Variants in RTL9 observed in about 807,000 individuals in gnomAD.
RTL9 encodes retrotransposon Gag-like protein 9.
A neutral mutation model predicts 44.7 loss-of-function variants in RTL9; 19 were observed. That is an observed-to-expected ratio of 0.42 (90% CI 0.30 to 0.62). The LOEUF is 0.62. Among genes scored for constraint, RTL9 ranks in the 20% least tolerant of loss-of-function variants. The pLI, the probability that RTL9 is intolerant of heterozygous loss-of-function variation, is 0.16. For missense variants in RTL9, 1,105 were observed against 1,080.6 expected (o/e 1.02, Z -0.32); for synonymous variants, 407 against 398.9 (o/e 1.02, Z -0.24).
At chrX:110,427,835 A>G (rs1257485002) in intron 1 of RTL9, among the ~76,000 whole-genome samples, 1 of 111,887 alleles carries the variant, frequency 8.9e-6, no homozygotes, top group Non-Finnish European at 1.9e-5. Flanking sequence ...AGAGCCACAC[A>G]TGGTCTCTTA....
At chrX:110,398,437 C>A (rs1164922015) in intron 1 of RTL9, among the ~76,000 whole-genome samples, 2 of 112,470 alleles carry the variant, frequency 1.8e-5, no homozygotes, top group Non-Finnish European at 3.8e-5. Context: ...ATTTTTAAAT[C>A]TTAGAATACT....
intron 1 of RTL9, among the ~76,000 whole-genome samples, chrX:110,399,120 T>C (rs1448417225): frequency 2.7e-5 from 3 of 112,214 alleles, no homozygotes; most frequent in African/African-American, 6.5e-5. Context: ...TGGTTTACAA[T>C]GGACTCACAA....
intron 1 of RTL9, among the ~76,000 whole-genome samples, chrX:110,397,385 G>A (rs1451427831): frequency 9.0e-6 from 1 of 110,749 alleles, no homozygotes; most frequent in Middle Eastern, 4.6e-3. Flanking sequence ...AAATCACTGA[G>A]TATTTATTTA....
chrX:110,445,361 A>G (rs1364532278), intron 2 of RTL9, 93 bp downstream of exon 2: 2 of 112,729 alleles, frequency 1.8e-5, no homozygotes, highest in Non-Finnish European at 3.8e-5. Flanking sequence ...TTTATCGTTC[A>G]ATAAATAAGA....
intron 1 of RTL9, among the ~76,000 whole-genome samples, chrX:110,413,364 A>G (rs908331817): frequency 6.3e-5 from 7 of 111,188 alleles, no homozygotes; most frequent in African/African-American, 2.3e-4. Context: ...CAGGCACCCT[A>G]GGGCTGGGAG....
intron 1 of RTL9, among the ~76,000 whole-genome samples, chrX:110,407,011 T>C (rs964118122): frequency 3.6e-5 from 4 of 111,771 alleles, no homozygotes; most frequent in Non-Finnish European, 7.5e-5. Flanking sequence ...GGCACCTGGA[T>C]GATTGATTGT....
chrX:110,453,371 A>G, exon 1 of RTL9: 1 of 1,211,876 alleles, frequency 8.3e-7, no homozygotes, highest in Non-Finnish European at 1.1e-6. Context: ...GGAGACCCTC[A>G]GCCTGTGAGA....
exon 1 of RTL9, chrX:110,454,139 G>A: frequency 8.2e-7 from 1 of 1,212,145 alleles, no homozygotes; most frequent in South Asian, 1.8e-5. Context: ...ATGAGGAGAA[G>A]CAAATGAAGG....
intron 1 of RTL9, among the ~76,000 whole-genome samples, chrX:110,382,713 A>G (rs1295980681): frequency 9.0e-6 from 1 of 111,230 alleles, no homozygotes; most frequent in African/African-American, 3.3e-5. Flanking sequence ...TCTGCATTCA[A>G]TTTGTCACTC....
chrX:110,438,572 C>A (rs1184589202), intron 1 of RTL9, among the ~76,000 whole-genome samples: 1 of 111,587 alleles, frequency 9.0e-6, no homozygotes, highest in African/African-American at 3.3e-5. Context: ...AAGGACCAAG[C>A]AAACAGGCGG....
At chrX:110,411,864 T>C (rs992533545) in intron 1 of RTL9, among the ~76,000 whole-genome samples, 3 of 112,659 alleles carry the variant, frequency 2.7e-5, no homozygotes, top group Non-Finnish European at 5.6e-5. Context: ...AGGTTTTGCT[T>C]ACTCACTATT....
At chrX:110,455,386 C>T in exon 2 of RTL9, 1 of 1,157,345 alleles carries the variant, frequency 8.6e-7, no homozygotes, top group Admixed American at 2.3e-5. Context: ...GGTTCCTGGA[C>T]CCATTCCATT....
intron 1 of RTL9, among the ~76,000 whole-genome samples, chrX:110,364,467 G>C (rs907254376): frequency 5.4e-5 from 6 of 111,500 alleles, no homozygotes; most frequent in African/African-American, 2.0e-4. Flanking sequence ...ACTAAAGCAG[G>C]CTGCTCCCAC....
At chrX:110,363,996 C>A (rs1025766587) in intron 1 of RTL9, among the ~76,000 whole-genome samples, 4 of 111,802 alleles carry the variant, frequency 3.6e-5, no homozygotes, top group Non-Finnish European at 7.5e-5. Flanking sequence ...TAACAAATTG[C>A]CACAAACTTG....
At position 110,364,544 on chromosome X, in the gene RTL9, G is replaced by T. The variant is rs758924989; in HGVS notation, c.-168+5628G>T. ...ATTTCCTACTGGGATTTATCAAGAT[G>T]AATTAATAAATTGACATTTTGGCTT... is the stretch of plus-strand genomic sequence containing the variant. On this transcript the variant is annotated intron_variant, in intron 1 of 2. Coordinates refer to the RTL9 transcript ENST00000520821. Among the ~76,000 whole-genome samples, 90 of 111,493 alleles carry T rather than the reference G, an allele frequency of 8.1e-4. 1 individual carries two copies. In the Admixed American group the frequency reaches 8.6e-3, roughly 11 times the overall value.
intron 1 of RTL9, among the ~76,000 whole-genome samples, chrX:110,406,384 G>C (rs140275233): frequency 0.041 from 4,482 of 110,411 alleles, 125 homozygotes; most frequent in African/African-American, 0.093. Context: ...GCGATAGTTT[G>C]CTGAGAATGA....
chrX:110,441,926 C>T (rs1180424073), intron 1 of RTL9, among the ~76,000 whole-genome samples: 1 of 111,758 alleles, frequency 8.9e-6, no homozygotes, highest in African/African-American at 3.3e-5. Context: ...ATCCCCATTT[C>T]ATAGATGAGA....
At position 110,445,461 on chromosome X, in the gene RTL9, G is replaced by C. The variant is rs146004853; in HGVS notation, c.-52+193G>C. Among the ~76,000 whole-genome samples the C allele has an allele frequency of 5.2e-3, 578 of 111,299 alleles. 3 individuals carry two copies. Among genetic ancestry groups the C allele is most frequent in the African/African-American group, 0.018 (559 of 30,595 alleles). ...TCCCCCTCTTTATTTATAAAGAGCCGGTGCGCATTTTAAGTGTCAGGGCTG... is the reference window on the plus strand; with the variant it reads ...TCCCCCTCTTTATTTATAAAGAGCCCGTGCGCATTTTAAGTGTCAGGGCTG... On this transcript the variant is annotated intron_variant, in intron 2 of 3. Coordinates refer to the RTL9 transcript ENST00000465301.
chrX:110,411,912 G>A (rs1425058670), intron 1 of RTL9, among the ~76,000 whole-genome samples: 2 of 112,228 alleles, frequency 1.8e-5, no homozygotes, highest in Non-Finnish European at 3.8e-5. Flanking sequence ...GCATACAGTA[G>A]GTACTCAATA....
Sources: allele counts gnomAD v4.1 joint callset (sites outside exome capture counted in the v4.1 genomes callset), GRCh38; gene constraint gnomAD v4.1.1; transcripts MANE v1.5; gene names NCBI Gene and HGNC (gene_info 2026-07-23, HGNC 2026-07-21).